Variants in NEMP2 observed in about 807,000 individuals in gnomAD.
The protein encoded by NEMP2 is UPF0571 transmembrane protein.
Under a neutral mutation model 54.2 loss-of-function variants are expected in NEMP2, and 53 were observed. The observed-to-expected ratio is 0.98, with a 90% CI of 0.78 to 1.23. The LOEUF is 1.23. Ranked by LOEUF, NEMP2 falls within the 50% of genes most tolerant of loss-of-function variation. The pLI, the probability that NEMP2 is intolerant of heterozygous loss-of-function variation, is 0.00. For synonymous variants in NEMP2, 197 were observed against 190.3 expected, an observed-to-expected ratio of 1.04 and a Z score of -0.29; for missense variants, 455 against 511.3, an observed-to-expected ratio of 0.89 and a Z score of 1.06.
chr2:190,635,294 G>A, the NEMP2 span, among the ~76,000 whole-genome samples: 106 of 152,288 alleles, frequency 7.0e-4, no homozygotes, highest in African/African-American at 1.8e-3. This position sits in a 1 kb window ranked among gnomAD's most constrained non-coding sequence, Gnocchi z 4.1. Context: ...ATAGCTCACT[G>A]CAGCCTACAA....
At chr2:190,573,080 C>T in the NEMP2 span, among the ~76,000 whole-genome samples, 2 of 151,390 alleles carry the variant, frequency 1.3e-5, no homozygotes, top group African/African-American at 4.9e-5. Flanking sequence ...TTCACACATC[C>T]CTATAGGTAG....
the NEMP2 span, among the ~76,000 whole-genome samples, chr2:190,566,103 A>G: frequency 1.3e-5 from 2 of 151,814 alleles, no homozygotes; most frequent in Non-Finnish European, 2.9e-5. Context: ...CCCCACCAGC[A>G]GCCATCTCAC....
chr2:190,589,284 A>G, the NEMP2 span, among the ~76,000 whole-genome samples: 1 of 152,160 alleles, frequency 6.6e-6, no homozygotes. This position sits in a 1 kb window ranked among gnomAD's most constrained non-coding sequence, Gnocchi z 4.3. Context: ...AAAAGTGGCT[A>G]TTAGCTTGCT....
chr2:190,612,101 C>A, the NEMP2 span, among the ~76,000 whole-genome samples: 2 of 151,716 alleles, frequency 1.3e-5, no homozygotes, highest in Middle Eastern at 6.9e-3. Context: ...ACTACACAGA[C>A]AAGCTATGAC....
At chr2:190,572,405 A>G in the NEMP2 span, among the ~76,000 whole-genome samples, 1 of 152,132 alleles carries the variant, frequency 6.6e-6, no homozygotes, top group Non-Finnish European at 1.5e-5. Context: ...TTTCTGGGCA[A>G]AACTGGGAAG....
chr2:190,431,216 C>T, the NEMP2 span, among the ~76,000 whole-genome samples: 1 of 150,676 alleles, frequency 6.6e-6, no homozygotes, highest in Non-Finnish European at 1.5e-5. The surrounding 1 kb of genome is among the most constrained non-coding windows in gnomAD (Gnocchi z 4.4). Flanking sequence ...TCCTCACTTC[C>T]CAGACTGGGC....
chr2:190,573,211 A>C, the NEMP2 span, among the ~76,000 whole-genome samples: 8 of 152,022 alleles, frequency 5.3e-5, no homozygotes, highest in Admixed American at 5.2e-4. Flanking sequence ...TACTCTCCCT[A>C]TGCCTCTGAT....
chr2:190,646,949 G>A, the NEMP2 span: 2 of 152,154 alleles, frequency 1.3e-5, no homozygotes, highest in Non-Finnish European at 2.9e-5. Flanking sequence ...AACCAAGAGT[G>A]TTTGCAAAAC....
the NEMP2 span, among the ~76,000 whole-genome samples, chr2:190,443,210 G>A: frequency 6.6e-6 from 1 of 152,140 alleles, no homozygotes; most frequent in African/African-American, 2.4e-5. The surrounding 1 kb of genome is among the most constrained non-coding windows in gnomAD (Gnocchi z 4.2). Context: ...AAAGGAACAG[G>A]ACTTTAAGGA....
chr2:190,557,487 C>G, the NEMP2 span, among the ~76,000 whole-genome samples: 1 of 152,130 alleles, frequency 6.6e-6, no homozygotes, highest in Non-Finnish European at 1.5e-5. Context: ...ATTAATTAAA[C>G]TAAAGAGCTT....
At chr2:190,471,488 C>G in the NEMP2 span, among the ~76,000 whole-genome samples, 1 of 152,196 alleles carries the variant, frequency 6.6e-6, no homozygotes, top group Non-Finnish European at 1.5e-5. This position sits in a 1 kb window ranked among gnomAD's most constrained non-coding sequence, Gnocchi z 4.7. Flanking sequence ...GAGCCTCCCT[C>G]ATTGCTAGCA....
At chr2:190,625,857 T>G in the NEMP2 span, 1 of 152,216 alleles carries the variant, frequency 6.6e-6, no homozygotes. Flanking sequence ...ATGACCAAAT[T>G]AATTTTAGTC....
Position 190,514,555 on chromosome 2 carries a change from T to C in NEMP2, c.851A>G (p.Tyr284Cys). ...MLRLLSLVLV[Y>C]AGVAVPQFAY... ...AAACTGAGGCACGGCCACACCAGCA[T>C]AGACCAGAACCAGGGAGAGGAGTCG... The change falls in exon 7 of 9, where the codon TAT becomes TGT. Residue 284 changes from tyrosine to cysteine, a missense_variant. Tyr to Cys is a radical substitution (Grantham distance 194). This residue lies in a region of NEMP2 where 294 missense variants were observed against 333.6 expected (regional missense o/e 0.88). Coordinates refer to ENST00000409150, the MANE Select transcript of NEMP2 (RefSeq NM_001142645.2). This position sits in a 1 kb window ranked among gnomAD's most constrained non-coding sequence, Gnocchi z 5.7. 4 of 1,551,720 alleles carry C rather than the reference T, an allele frequency of 2.6e-6. No individual in the cohort carries two copies. The highest frequency in any genetic ancestry group is 3.5e-6 in the Non-Finnish European group (4 of 1,146,984).
chr2:190,546,399 A>G, the NEMP2 span, among the ~76,000 whole-genome samples: 7 of 152,156 alleles, frequency 4.6e-5, no homozygotes, highest in African/African-American at 1.7e-4. This position sits in a 1 kb window ranked among gnomAD's most constrained non-coding sequence, Gnocchi z 5.1. Context: ...TAGGCTATAT[A>G]CAAGTACTTA....
chr2:190,566,711 A>G, the NEMP2 span, among the ~76,000 whole-genome samples: 2 of 126,308 alleles, frequency 1.6e-5, no homozygotes, highest in African/African-American at 5.4e-5. Flanking sequence ...GGAAGGAGGG[A>G]AGAAAAGAAA....
At chr2:190,537,681 AG>A (rs1691420977), upstream of NEMP2, among the ~76,000 whole-genome samples, 1 of 152,242 alleles carries the variant, frequency 6.6e-6, no homozygotes, top group South Asian at 2.1e-4. Context: ...AAGAGGAAGC[AG>A]AGCATGAAAG....
upstream of NEMP2, among the ~76,000 whole-genome samples, chr2:190,538,625 ATG>A (rs1051285137): frequency 2.5e-5 from 3 of 118,972 alleles, no homozygotes; most frequent in Non-Finnish European, 5.0e-5. The surrounding 1 kb of genome is among the most constrained non-coding windows in gnomAD (Gnocchi z 4.1). Flanking sequence ...TTACCAGCAT[ATG>A]TTATTCCCTG....
the NEMP2 span, among the ~76,000 whole-genome samples, chr2:190,637,286 C>T: frequency 6.6e-6 from 1 of 152,214 alleles, no homozygotes; most frequent in African/African-American, 2.4e-5. The surrounding 1 kb of genome is among the most constrained non-coding windows in gnomAD (Gnocchi z 4.5). Context: ...ACTTCAGAAG[C>T]CCCCTTGTTC....
At chr2:190,579,295 C>A in the NEMP2 span, among the ~76,000 whole-genome samples, 3 of 150,956 alleles carry the variant, frequency 2.0e-5, no homozygotes, top group Non-Finnish European at 2.9e-5. Flanking sequence ...ACATGGGTGA[C>A]AGATTTTAAT....
Sources: allele counts gnomAD v4.1 joint callset (sites outside exome capture counted in the v4.1 genomes callset), GRCh38; gene constraint gnomAD v4.1.1; regional missense constraint gnomAD v4.1.1; non-coding constraint Gnocchi (gnomAD v3.1); transcripts MANE v1.5; gene names NCBI Gene and HGNC (gene_info 2026-07-23, HGNC 2026-07-21).